Variants in ABCA13 observed in about 807,000 individuals in gnomAD.
The protein encoded by ABCA13 is ATP binding cassette subfamily A member 13.
A neutral mutation model predicts 478.7 loss-of-function variants in ABCA13; 476 were observed. The observed-to-expected ratio is 0.99, with a 90% confidence interval of 0.92 to 1.07. The LOEUF (loss-of-function observed/expected upper bound fraction) is 1.07. Ranked by LOEUF, ABCA13 falls within the 50% of genes least tolerant of loss-of-function variation. The pLI is 0.00. For missense variants in ABCA13, 6,060 were observed against 5,910.6 expected, an observed-to-expected ratio of 1.03 and a Z score of -0.83; for synonymous variants, 2,252 against 2,158.9, an observed-to-expected ratio of 1.04 and a Z score of -1.20.
At chr7:48,456,817 TTC>T (rs1271624976) in intron 43 of ABCA13, among the ~76,000 whole-genome samples, 7 of 152,148 alleles carry the variant, frequency 4.6e-5, no homozygotes, top group Non-Finnish European at 1.0e-4. Context: ...TGTTTTTTTT[TTC>T]CTATTATAGG....
intron 15 of ABCA13, among the ~76,000 whole-genome samples, chr7:48,266,625 A>ATTATTGATCTT (rs1321921387): frequency 1.3e-5 from 2 of 151,762 alleles, no homozygotes; most frequent in East Asian, 3.9e-4. Context: ...TATCAATCTT[A>ATTATTGATCTT]TTATTGATCT....
intron 47 of ABCA13, among the ~76,000 whole-genome samples, chr7:48,486,646 A>G (rs974621619): frequency 2.0e-5 from 3 of 152,160 alleles, no homozygotes; most frequent in Admixed American, 6.5e-5. Context: ...TATTGCCACA[A>G]TAATGCTCTA....
chr7:48,504,716 A>G (rs893240383), intron 48 of ABCA13, among the ~76,000 whole-genome samples: 1 of 152,182 alleles, frequency 6.6e-6, no homozygotes, highest in Non-Finnish European at 1.5e-5. Flanking sequence ...TATACTCCAC[A>G]GCACCAGTGG....
At chr7:48,230,559 G>A (rs1788900279) in intron 7 of ABCA13, among the ~76,000 whole-genome samples, 1 of 152,108 alleles carries the variant, frequency 6.6e-6, no homozygotes, top group African/African-American at 2.4e-5. Flanking sequence ...GAACAACAAA[G>A]TTGGAATTCA....
chr7:48,470,701 G>T (rs117767353), intron 44 of ABCA13, among the ~76,000 whole-genome samples: 33 of 152,248 alleles, frequency 2.2e-4, no homozygotes, highest in Non-Finnish European at 3.4e-4. Flanking sequence ...TCTTCAATTG[G>T]TGTTATCATA....
chr7:48,298,859 G>A lies in ABCA13; in HGVS notation c.9321+372G>A, dbSNP rs150555487. Among the ~76,000 whole-genome samples the A allele has an allele frequency of 3.3e-5, 5 of 152,270 alleles. No homozygotes were observed. In the East Asian group the frequency reaches 9.6e-4, roughly 29 times the overall value. On this transcript the variant is annotated intron_variant, in intron 23 of 61. Coordinates refer to ENST00000435803, the MANE Select transcript of ABCA13 (RefSeq NM_152701.5). ...CTTAAAATACCCAAAACCAAAAACA[G>A]CTAAAAATATCTTAAGAATCAACTA...
At chr7:48,173,692 G>A (rs1008716667) in intron 1 of ABCA13, among the ~76,000 whole-genome samples, 4 of 152,252 alleles carry the variant, frequency 2.6e-5, no homozygotes, top group South Asian at 4.1e-4. Flanking sequence ...TCCATGCATA[G>A]AATTTGGAGC....
chr7:48,343,960 CTTTAG>C (rs1251636393), intron 29 of ABCA13, among the ~76,000 whole-genome samples: 20 of 152,208 alleles, frequency 1.3e-4, no homozygotes, highest in African/African-American at 4.6e-4. Context: ...GCTATTTTAA[CTTTAG>C]TTTATTTTAA....
At chr7:48,531,469 A>G (rs1833225499) in intron 55 of ABCA13, among the ~76,000 whole-genome samples, 1 of 151,948 alleles carries the variant, frequency 6.6e-6, no homozygotes, top group Admixed American at 6.6e-5. Context: ...TGCTTTGGCT[A>G]TGTGGGCTTC....
intron 38 of ABCA13, among the ~76,000 whole-genome samples, chr7:48,397,351 C>A (rs1232292340): frequency 1.3e-5 from 2 of 151,716 alleles, no homozygotes; most frequent in Non-Finnish European, 2.9e-5. Flanking sequence ...AAGTTCTGAA[C>A]AAGATAAGCC....
At chr7:48,180,882 A>T (rs1404437010) in intron 1 of ABCA13, among the ~76,000 whole-genome samples, 1 of 152,114 alleles carries the variant, frequency 6.6e-6, no homozygotes, top group Admixed American at 6.6e-5. Context: ...AGCCTGGGTG[A>T]CACAGTGAGA....
At chr7:48,609,997 T>C (rs2131537135) in intron 58 of ABCA13, among the ~76,000 whole-genome samples, 1 of 152,278 alleles carries the variant, frequency 6.6e-6, no homozygotes, top group Admixed American at 6.5e-5. Context: ...CTCCCATATC[T>C]CATGTTTTTC....
chr7:48,372,515 T>C lies in ABCA13; in HGVS notation c.11133+18T>C, dbSNP rs1453017917. 2 of 1,193,898 alleles carry C rather than the reference T, an allele frequency of 1.7e-6. No homozygotes were observed. Among genetic ancestry groups the C allele is most frequent in the Non-Finnish European group, 2.2e-6 (2 of 896,398 alleles). The allele number at this position is 1,193,898 out of a possible 1,614,324, so 74.0% of individuals were successfully genotyped here. ...CATTTCTGGTAAGTAAGTTGTTTTGTAAAAAAAAAAAAAAAAAACAACAAA... is the reference window on the plus strand; with the variant it reads ...CATTTCTGGTAAGTAAGTTGTTTTGCAAAAAAAAAAAAAAAAAACAACAAA... On this transcript the variant is annotated intron_variant, in intron 33 of 61. Transcript: ENST00000435803.
intron 58 of ABCA13, among the ~76,000 whole-genome samples, chr7:48,614,506 A>G (rs1344740609): frequency 6.6e-6 from 1 of 151,046 alleles, no homozygotes; most frequent in South Asian, 2.1e-4. Context: ...AACTAGAAAT[A>G]CCATTTGACC....
chr7:48,239,194 C>T, intron 8 of ABCA13, 47 bp from the exon 9 acceptor site: 2 of 1,597,026 alleles, frequency 1.3e-6, no homozygotes, highest in Non-Finnish European at 1.7e-6. Flanking sequence ...GAGGAAGGTT[C>T]TAGGAAAGGA....
intron 59 of ABCA13, among the ~76,000 whole-genome samples, chr7:48,639,833 G>T (rs1341741114): frequency 6.6e-6 from 1 of 152,132 alleles, no homozygotes; most frequent in Non-Finnish European, 1.5e-5. Flanking sequence ...CTAAATAAAT[G>T]ATTTTTAAAA....
chr7:48,568,356 T>C (rs1258089167), intron 55 of ABCA13, among the ~76,000 whole-genome samples: 1 of 152,110 alleles, frequency 6.6e-6, no homozygotes, highest in Non-Finnish European at 1.5e-5. Flanking sequence ...CTGAGTTTAA[T>C]GAGATGTGTG....
In ABCA13 at chr7:48,229,846, T is replaced by C. The variant is rs771051125; in HGVS notation, c.654T>C (p.Asp218=). The change falls in exon 7 of 62, where the codon GAT becomes GAC. Residue 218 remains aspartate (D), a synonymous_variant. Transcript: ENST00000435803. ...CTAGTTCCTTAATATCCCTAGAAGA[T>C]TTAGATTGGCTTCCACTCAACCAAA... The part of the protein sequence containing the change: ...TILNSLISLE[D]LDWLPLNQTF... 5.0e-6 allele frequency: 8 copies of C among 1,614,034 alleles called. No individual in the cohort carries two copies. In the South Asian group the frequency reaches 6.6e-5, roughly 13 times the overall value.
At chr7:48,544,757 A>C (rs1413297075) in intron 55 of ABCA13, among the ~76,000 whole-genome samples, 1 of 151,896 alleles carries the variant, frequency 6.6e-6, no homozygotes, top group Non-Finnish European at 1.5e-5. Flanking sequence ...AAACCCAAGA[A>C]GAGGGTCATA....
Sources: gnomAD v4.1 joint callset for allele counts (sites outside exome capture counted in the v4.1 genomes callset) on GRCh38, gnomAD v4.1.1 for gene constraint, MANE v1.5 for transcripts, NCBI Gene and HGNC (gene_info 2026-07-23, HGNC 2026-07-21) for gene names.